The following PRKAG2 variants were observed in gnomAD, a reference collection of about 807,000 sequenced individuals.
The protein encoded by PRKAG2 is 5'-AMP-activated protein kinase subunit gamma-2.
PRKAG2 carries 26 observed loss-of-function variants against 69.6 expected under a neutral mutation model. The ratio of observed to expected loss-of-function variants is 0.37; its 90% CI spans 0.27 to 0.52. The LOEUF (loss-of-function observed/expected upper bound fraction) is 0.52. Ranked by LOEUF, PRKAG2 falls within the 20% of genes least tolerant of loss-of-function variation. PRKAG2 has a pLI of 0.90. For synonymous variants in PRKAG2, 293 were observed against 285.0 expected (o/e 1.03, Z -0.28); for missense variants, 557 against 740.0 (o/e 0.75, Z 2.87).
At chr7:151,821,511 C>T (rs1260584625) in intron 1 of PRKAG2, among the ~76,000 whole-genome samples, 4 of 152,194 alleles carry the variant, frequency 2.6e-5, no homozygotes, top group Non-Finnish European at 5.9e-5. Flanking sequence ...AGCAGAAGGC[C>T]CCGGGCTGCC....
chr7:151,661,427 C>T (rs1428743687), intron 4 of PRKAG2, among the ~76,000 whole-genome samples: 1 of 152,268 alleles, frequency 6.6e-6, no homozygotes, highest in South Asian at 2.1e-4. Context: ...ATCCAACCCC[C>T]CACCTTGGCC....
chr7:151,557,222 T>C lies in PRKAG2; in HGVS notation c.1689A>G (p.Gln563=). ...GCGGTCACTCCGTTTCTGTCTCCTT[T>C]TGTTTGGCACCTGTCAGTGGATGGA... ...ALILTPAGAK[Q]KETETE is the part of the protein sequence containing the mutation. The change falls in exon 16 of 16, where the codon CAA becomes CAG. Residue 563 remains glutamine (Q), a synonymous_variant. Coordinates refer to ENST00000287878, the MANE Select transcript of PRKAG2 (RefSeq NM_016203.4). The C allele has an allele frequency of 6.2e-7, 1 of 1,614,124 alleles. No homozygotes were observed. Among genetic ancestry groups the C allele is most frequent in the Non-Finnish European group, 8.5e-7 (1 of 1,179,998 alleles).
In PRKAG2 at chr7:151,583,286, T is replaced by G. The variant is rs1810903389; in HGVS notation, c.865-6834A>C. Among the ~76,000 whole-genome samples, 1 of 152,202 alleles carries G rather than the reference T, an allele frequency of 6.6e-6. No individual in the cohort carries two copies. The highest frequency in any genetic ancestry group is 2.1e-4 in the South Asian group (1 of 4,834). On this transcript the variant is annotated intron_variant, in intron 6 of 15. Coordinates refer to ENST00000287878, the MANE Select transcript of PRKAG2 (RefSeq NM_016203.4). The surrounding 1 kb of genome is among the most constrained non-coding windows in gnomAD (Gnocchi z 4.1). ...ATCCTCCTGCTTCAGCCTCCCAAAG[T>G]GCTGGGATGAAAGATTTATTCTTTT...
At position 151,632,277 on chromosome 7, in the gene PRKAG2, C is replaced by T. The variant is rs1328739340; in HGVS notation, c.685-139G>A. ...GGGGCCTGGCAGGGGACGCGGGCAG[C>T]GGGGGCCGGGGGCGGAGCGGGAGCG... On this transcript the variant is annotated intron_variant, in intron 4 of 15. Coordinates refer to ENST00000287878, the MANE Select transcript of PRKAG2 (RefSeq NM_016203.4). This position sits in a 1 kb window ranked among gnomAD's most constrained non-coding sequence, Gnocchi z 4.2. 4.0e-6 allele frequency: 4 copies of T among 994,010 alleles called. No individual in the cohort carries two copies. The highest frequency in any genetic ancestry group is 9.3e-5 in the South Asian group (2 of 21,530). The allele number at this position is 994,010 out of a possible 1,614,324, so 61.6% of individuals were successfully genotyped here.
Position 151,614,693 on chromosome 7 carries a change from A to G in PRKAG2, c.754+17376T>C, listed in dbSNP as rs1819661062. Among the ~76,000 whole-genome samples the G allele has an allele frequency of 6.6e-6, 1 of 152,254 alleles. No homozygotes were observed. Among genetic ancestry groups the G allele is most frequent in the South Asian group, 2.1e-4 (1 of 4,822 alleles). On this transcript the variant is annotated intron_variant, in intron 5 of 15. Transcript: ENST00000287878. This position sits in a 1 kb window ranked among gnomAD's most constrained non-coding sequence, Gnocchi z 4.4. ...AGTGATGATCTGTGGCCCTAAGCCC[A>G]CTTTGCCAGGACCGCTCCAGTTCAG...
At chr7:151,705,230 G>A (rs1440765213) in intron 3 of PRKAG2, among the ~76,000 whole-genome samples, 1 of 152,140 alleles carries the variant, frequency 6.6e-6, no homozygotes, top group Non-Finnish European at 1.5e-5. Flanking sequence ...AACCCCTCTG[G>A]TCTCAGAGTT....
intron 3 of PRKAG2, among the ~76,000 whole-genome samples, chr7:151,711,562 T>C (rs1303220802): frequency 6.6e-6 from 1 of 152,190 alleles, no homozygotes; most frequent in Non-Finnish European, 1.5e-5. Context: ...AGAGTTAATA[T>C]TCAAATAGGT....
chr7:151,557,327 GA>G, intron 15 of PRKAG2, 95 bp from the exon 16 acceptor site: 1 of 1,612,198 alleles, frequency 6.2e-7, no homozygotes, highest in Non-Finnish European at 8.5e-7. Context: ...AGTGCCTTAG[GA>G]GGATGATCCA....
chr7:151,871,773 T>A (rs2080224660), intron 1 of PRKAG2, among the ~76,000 whole-genome samples: 1 of 152,096 alleles, frequency 6.6e-6, no homozygotes, highest in Non-Finnish European at 1.5e-5. Flanking sequence ...TTCAAAATCA[T>A]CAGAGCCCGA....
rs1262685556 is a variant in PRKAG2, at chr7:151,632,369, C to T, written c.685-231G>A. 2.0e-6 allele frequency: 1 copy of T among 496,904 alleles called. No individual in the cohort carries two copies. The highest frequency in any genetic ancestry group is 2.6e-6 in the Non-Finnish European group (1 of 385,828). 30.8% of individuals were successfully genotyped at this position (496,904 alleles called of 1,614,324 possible). ...GCGCGGCCGCGGCCCGCGTGCCCCT[C>T]CGCGAGTGGGACGCGCCGCTCCCCC... is the stretch of plus-strand genomic sequence containing the variant. On this transcript the variant is annotated intron_variant, in intron 4 of 15. Transcript: ENST00000287878. The surrounding 1 kb of genome is among the most constrained non-coding windows in gnomAD (Gnocchi z 4.2).
At chr7:151,727,712 C>G (rs1215787047) in intron 3 of PRKAG2, among the ~76,000 whole-genome samples, 5 of 144,208 alleles carry the variant, frequency 3.5e-5, no homozygotes, top group Admixed American at 6.9e-5. Flanking sequence ...GGCCCAGGAG[C>G]GAGAAGGAGG....
chr7:151,793,540 C>T (rs78198576), intron 1 of PRKAG2, among the ~76,000 whole-genome samples: 5,398 of 152,298 alleles, frequency 0.035, 278 homozygotes, highest in East Asian at 0.24. Context: ...GCTACAGGCC[C>T]GAGGCCCGCG....
At chr7:151,559,326 G>A in intron 15 of PRKAG2, 2 of 984,556 alleles carry the variant, frequency 2.0e-6, no homozygotes, top group Middle Eastern at 5.2e-4. Flanking sequence ...CAGTTTTATG[G>A]CATTAACATT....
chr7:151,568,935 T>C (rs1370367056), intron 10 of PRKAG2, 93 bp from the exon 11 acceptor site: 58 of 1,394,286 alleles, frequency 4.2e-5, no homozygotes, highest in Admixed American at 5.1e-5. Flanking sequence ...CCAGTGTTTT[T>C]ATTATTGCAA....
rs73728247 is a variant in PRKAG2, at chr7:151,679,072, G to A, written c.467-3435C>T. 4.2e-3 allele frequency among the ~76,000 whole-genome samples: 638 copies of A among 152,188 alleles called. 4 individuals carry two copies. Among genetic ancestry groups the A allele is most frequent in the African/African-American group, 0.015 (606 of 41,506 alleles). ...GGAAGGAGAGGGAAGAGGAAGAGTG[G>A]GAAGGTCCTGATGTGGTTTAGCAGC... On this transcript the variant is annotated intron_variant, in intron 3 of 15. Transcript: ENST00000287878.
At chr7:151,799,395 G>A (rs1213253559) in intron 1 of PRKAG2, among the ~76,000 whole-genome samples, 4 of 152,180 alleles carry the variant, frequency 2.6e-5, no homozygotes, top group African/African-American at 4.8e-5. Flanking sequence ...GGATTGCAAC[G>A]GGCTGGCCAT....
intron 5 of PRKAG2, among the ~76,000 whole-genome samples, chr7:151,605,936 C>CAAAAAAAAAAAAAAAAAAAAAAAAAAAA (rs560080587): frequency 2.2e-5 from 2 of 91,050 alleles, no homozygotes; most frequent in African/African-American, 7.7e-5. Context: ...GACTCCGTCT[C>CAAAAAAAAAAAAAAAAAAAAAAAAAAAA]AAAAAAAAAA....
At position 151,870,154 on chromosome 7, in the gene PRKAG2, T is replaced by TAGATAGGCAGGC. The variant is rs1159760978; in HGVS notation, c.114+6352_114+6353insGCCTGCCTATCT. Among the ~76,000 whole-genome samples, 114 of 138,422 alleles carry TAGATAGGCAGGC rather than the reference T, an allele frequency of 8.2e-4. 1 individual carries two copies. The highest frequency in any genetic ancestry group is 3.1e-3 in the East Asian group (14 of 4,512). 90.8% of individuals were successfully genotyped at this position (138,422 alleles called of 152,430 possible). On this transcript the variant is annotated intron_variant, in intron 1 of 15. Coordinates refer to ENST00000287878, the MANE Select transcript of PRKAG2 (RefSeq NM_016203.4). The stretch of plus-strand genomic sequence containing the variant: ...ATAGATAGATAGATAGATAGATAGA[T>TAGATAGGCAGGC]AGGCAGGCAGGCAGGCAGGCAGGCA...
At chr7:151,862,026 C>G (rs1361648950) in intron 1 of PRKAG2, among the ~76,000 whole-genome samples, 2 of 151,870 alleles carry the variant, frequency 1.3e-5, no homozygotes, top group Non-Finnish European at 2.9e-5. Context: ...ACGGATGCTC[C>G]CTCCTCCAAT....
Sources: allele counts gnomAD v4.1 joint callset (sites outside exome capture counted in the v4.1 genomes callset), GRCh38; gene constraint gnomAD v4.1.1; non-coding constraint Gnocchi (gnomAD v3.1); transcripts MANE v1.5; gene names NCBI Gene and HGNC (gene_info 2026-07-23, HGNC 2026-07-21).